Variants in ASTN2 observed in about 807,000 individuals in gnomAD.
ASTN2 encodes astrotactin 2, also known as astrotactin-2.
In ASTN2, 54 loss-of-function variants were observed where a neutral mutation model predicts 139.8. The ratio of observed to expected loss-of-function variants is 0.39; its 90% CI spans 0.31 to 0.48. The LOEUF (loss-of-function observed/expected upper bound fraction) is 0.48. Ranked by LOEUF, ASTN2 falls within the 20% of genes least tolerant of loss-of-function variation. ASTN2 has a pLI of 0.95. For synonymous variants in ASTN2, 756 were observed against 719.5 expected, an observed-to-expected ratio of 1.05 and a Z score of -0.81; for missense variants, 1,565 against 1,725.1, an observed-to-expected ratio of 0.91 and a Z score of 1.64.
At chr9:117,162,229 CATT>C (rs1287557289) in intron 3 of ASTN2, among the ~76,000 whole-genome samples, 5 of 151,998 alleles carry the variant, frequency 3.3e-5, no homozygotes, top group Non-Finnish European at 7.4e-5. Flanking sequence ...TGGGAAACAG[CATT>C]ATTGTGAGCC....
intron 16 of ASTN2, among the ~76,000 whole-genome samples, chr9:116,681,561 T>C (rs1054669514): frequency 5.9e-5 from 9 of 152,086 alleles, no homozygotes; most frequent in Admixed American, 5.2e-4. Context: ...GAGCCTGCAT[T>C]GCCAAGTCAA....
At chr9:116,537,410 A>C (rs1851687350) in intron 19 of ASTN2, among the ~76,000 whole-genome samples, 1 of 152,248 alleles carries the variant, frequency 6.6e-6, no homozygotes, top group African/African-American at 2.4e-5. Flanking sequence ...CTTCACATTC[A>C]TTTGACAGTT....
intron 11 of ASTN2, among the ~76,000 whole-genome samples, chr9:116,855,077 T>C (rs1832705544): frequency 6.6e-6 from 1 of 151,948 alleles, no homozygotes; most frequent in African/African-American, 2.4e-5. Flanking sequence ...AAAACCAGCT[T>C]ACCAGAAATA....
At chr9:116,643,968 G>T (rs916652014) in intron 17 of ASTN2, among the ~76,000 whole-genome samples, 1 of 152,160 alleles carries the variant, frequency 6.6e-6, no homozygotes, top group Non-Finnish European at 1.5e-5. Context: ...TCTGTGTCTT[G>T]TTCCTCTCTA....
intron 5 of ASTN2, among the ~76,000 whole-genome samples, chr9:117,048,963 C>CATTTTTTTTTTTTTTTTTTTTTTTTTTTT: frequency 1.1e-5 from 1 of 89,036 alleles, no homozygotes; most frequent in Non-Finnish European, 2.3e-5. Flanking sequence ...TCATCCATTG[C>CATTTTTTTTTTTTTTTTTTTTTTTTTTTT]TTTTTTTTTT....
intron 4 of ASTN2, among the ~76,000 whole-genome samples, chr9:117,097,092 G>A (rs1345381429): frequency 6.6e-6 from 1 of 152,202 alleles, no homozygotes; most frequent in Non-Finnish European, 1.5e-5. Flanking sequence ...CAGGATGGGT[G>A]CCAGGCAGGG....
intron 19 of ASTN2, among the ~76,000 whole-genome samples, chr9:116,532,572 C>G (rs1851403846): frequency 6.6e-6 from 1 of 152,162 alleles, no homozygotes; most frequent in African/African-American, 2.4e-5. Flanking sequence ...TTTCAGCTTT[C>G]TACATATGGC....
At chr9:116,604,197 T>C (rs1588066428) in intron 19 of ASTN2, among the ~76,000 whole-genome samples, 1 of 152,108 alleles carries the variant, frequency 6.6e-6, no homozygotes, top group East Asian at 1.9e-4. Flanking sequence ...TCCCCACACA[T>C]TCATGAAATG....
intron 20 of ASTN2, among the ~76,000 whole-genome samples, chr9:116,483,195 T>C (rs906089486): frequency 2.6e-5 from 4 of 152,236 alleles, no homozygotes; most frequent in African/African-American, 9.6e-5. Flanking sequence ...CTGTCAGACC[T>C]TCCTGGGACC....
At chr9:116,854,638 G>A (rs1284023169) in intron 11 of ASTN2, among the ~76,000 whole-genome samples, 1 of 150,770 alleles carries the variant, frequency 6.6e-6, no homozygotes, top group Non-Finnish European at 1.5e-5. Context: ...TCCAATTTGG[G>A]GCTTCCTTCT....
At chr9:116,615,423 C>A (rs897961455) in intron 19 of ASTN2, among the ~76,000 whole-genome samples, 1 of 152,048 alleles carries the variant, frequency 6.6e-6, no homozygotes, top group African/African-American at 2.4e-5. Context: ...GACACGTGCA[C>A]ACGTATGTTT....
chr9:116,990,447 A>T, intron 7 of ASTN2, among the ~76,000 whole-genome samples: 1 of 149,390 alleles, frequency 6.7e-6, no homozygotes, highest in East Asian at 2.0e-4. Context: ...TCTATTTTTT[A>T]GTAGAAATGA....
intron 3 of ASTN2, among the ~76,000 whole-genome samples, chr9:117,190,026 C>A (rs2132965671): frequency 6.6e-6 from 1 of 152,304 alleles, no homozygotes; most frequent in East Asian, 1.9e-4. Flanking sequence ...GTCTCAATTT[C>A]TCCTTCCTCT....
intron 10 of ASTN2, among the ~76,000 whole-genome samples, chr9:116,949,973 C>CTT (rs558642886): frequency 1.4e-5 from 2 of 144,026 alleles, no homozygotes; most frequent in East Asian, 2.0e-4. Flanking sequence ...CAAAGTTTTT[C>CTT]TTTTTTTTTT....
In ASTN2 at chr9:116,487,408, T is replaced by C. The variant is rs140483683; in HGVS notation, c.3448A>G (p.Ser1150Gly). 5.7e-5 allele frequency: 92 copies of C among 1,613,934 alleles called. No homozygotes were observed. The African/African-American group carries it at 1.2e-3, about 21-fold the overall frequency. ...GRSHGEVPEV[S>G]IYSVIFKCLE... ...CACTTGAAGATGACTGAGTAGATAC[T>C]GACTTCAGGGACCTCTCCATGGCTT... The change falls in exon 20 of 23, where the codon AGT becomes GGT. Residue 1150 changes from serine to glycine, a missense_variant. Coordinates refer to ENST00000313400, the MANE Select transcript of ASTN2 (RefSeq NM_001365068.1).
intron 1 of ASTN2, among the ~76,000 whole-genome samples, chr9:117,319,106 A>C (rs1370288320): frequency 6.6e-6 from 1 of 152,212 alleles, no homozygotes; most frequent in African/African-American, 2.4e-5. Flanking sequence ...GATTGAAGTA[A>C]TCATTAAAGG....
chr9:116,485,736 C>A (rs1015494682), intron 20 of ASTN2, among the ~76,000 whole-genome samples: 1 of 152,156 alleles, frequency 6.6e-6, no homozygotes, highest in African/African-American at 2.4e-5. Context: ...GCATTCACTG[C>A]CCCCCAGGTG....
intron 10 of ASTN2, among the ~76,000 whole-genome samples, chr9:116,915,578 G>A (rs1374888724): frequency 6.6e-6 from 1 of 152,182 alleles, no homozygotes; most frequent in Non-Finnish European, 1.5e-5. Context: ...GGGAAGAGAA[G>A]AGGAGCTGGA....
intron 1 of ASTN2, among the ~76,000 whole-genome samples, chr9:117,299,105 A>G (rs1242956767): frequency 2.6e-5 from 4 of 152,202 alleles, no homozygotes; most frequent in African/African-American, 9.6e-5. Context: ...GGACTCTGTT[A>G]TGATTCTGTT....
Sources: allele counts gnomAD v4.1 joint callset (sites outside exome capture counted in the v4.1 genomes callset), GRCh38; gene constraint gnomAD v4.1.1; transcripts MANE v1.5; gene names NCBI Gene and HGNC (gene_info 2026-07-23, HGNC 2026-07-21).